The following ARHGEF12 variants were observed in gnomAD, a reference collection of about 807,000 sequenced individuals.
ARHGEF12 encodes KMT2A/ARHGEF12 fusion protein.
In ARHGEF12, 66 loss-of-function variants were observed where a neutral mutation model predicts 211.2. That is an observed-to-expected ratio of 0.31 (90% confidence interval 0.26 to 0.38). The LOEUF is 0.38. ARHGEF12 is among the 10% of genes least tolerant of loss of function. The pLI is 1.00. For synonymous variants in ARHGEF12, 592 were observed against 638.4 expected, an observed-to-expected ratio of 0.93 and a Z score of 1.09; for missense variants, 1,429 against 1,869.5, an observed-to-expected ratio of 0.76 and a Z score of 4.34.
intron 1 of ARHGEF12, among the ~76,000 whole-genome samples, chr11:120,358,766 TG>T (rs1370505788): frequency 3.9e-5 from 6 of 152,214 alleles, no homozygotes; most frequent in Non-Finnish European, 7.3e-5. Flanking sequence ...AAAGCTCTTT[TG>T]GACAGTGCTG....
intron 1 of ARHGEF12, among the ~76,000 whole-genome samples, chr11:120,387,231 T>G (rs1247469672): frequency 6.6e-6 from 1 of 151,784 alleles, no homozygotes; most frequent in Non-Finnish European, 1.5e-5. Flanking sequence ...CTGTACATGT[T>G]GGATTGTGTG....
intron 1 of ARHGEF12, among the ~76,000 whole-genome samples, chr11:120,404,202 A>G (rs1944624277): frequency 6.6e-6 from 1 of 152,126 alleles, no homozygotes; most frequent in African/African-American, 2.4e-5. Context: ...CTAGCTTTCT[A>G]TTTCCAGCTC....
rs997244654 is a variant in ARHGEF12, at chr11:120,485,213, G to A, written c.*136G>A. The A allele has an allele frequency of 1.6e-5, 17 of 1,082,342 alleles. No homozygotes were observed. The African/African-American group carries it at 2.2e-4, about 14-fold the overall frequency. The allele number at this position is 1,082,342 out of a possible 1,614,324, so 67.0% of individuals were successfully genotyped here. A position where few individuals can be genotyped will look rare whatever the true frequency, so the allele number is the denominator to read the frequency against. On this transcript the variant is annotated 3_prime_UTR_variant, in exon 41 of 41. Coordinates refer to ENST00000397843, the MANE Select transcript of ARHGEF12 (RefSeq NM_015313.3). The stretch of plus-strand genomic sequence containing the variant: ...CTGTGAACCACCTGGGATTAGTCAA[G>A]TCCCAAGGTGCCCAGAGTGGGACTA...
At chr11:120,388,299 G>A (rs560234080) in intron 1 of ARHGEF12, among the ~76,000 whole-genome samples, 38 of 152,276 alleles carry the variant, frequency 2.5e-4, no homozygotes, top group South Asian at 8.3e-4. Context: ...CTGTGTATCA[G>A]TAGTTCATTT....
At chr11:120,434,767 C>G (rs1271081735) in intron 11 of ARHGEF12, among the ~76,000 whole-genome samples, 1 of 152,174 alleles carries the variant, frequency 6.6e-6, no homozygotes, top group Admixed American at 6.5e-5. Flanking sequence ...TTCAGAGCAT[C>G]TATCATTTTG....
In ARHGEF12 at chr11:120,442,089, C is replaced by G. The variant is rs1360522395; in HGVS notation, c.1204-15C>G. ...GTTCCTCATTTTGTCTTTTTCATTC[C>G]TTTCTCCACTACAGCTCTGTTATCT... On this transcript the variant is annotated splice_polypyrimidine_tract_variant and intron_variant, in intron 14 of 40. Coordinates refer to ENST00000397843, the MANE Select transcript of ARHGEF12 (RefSeq NM_015313.3). 1 of 1,548,802 alleles carries G rather than the reference C, an allele frequency of 6.5e-7. No homozygotes were observed. The highest frequency in any genetic ancestry group is 8.8e-7 in the Non-Finnish European group (1 of 1,142,222).
At chr11:120,359,221 A>T (rs914370714) in intron 1 of ARHGEF12, among the ~76,000 whole-genome samples, 1 of 151,848 alleles carries the variant, frequency 6.6e-6, no homozygotes, top group Non-Finnish European at 1.5e-5. Flanking sequence ...CCAAGAGTCA[A>T]TGGGGCCCAT....
chr11:120,348,895 G>A (rs1207877807), intron 1 of ARHGEF12, among the ~76,000 whole-genome samples: 2 of 152,132 alleles, frequency 1.3e-5, no homozygotes, highest in African/African-American at 2.4e-5. Context: ...GAGTGTACGT[G>A]AAACATTAAT....
intron 19 of ARHGEF12, among the ~76,000 whole-genome samples, 161 bp downstream of exon 19, chr11:120,448,067 T>C (rs900955718): frequency 6.6e-6 from 1 of 152,228 alleles, no homozygotes; most frequent in Non-Finnish European, 1.5e-5. Flanking sequence ...TCTACTGTTG[T>C]CCTGAGTAGA....
chr11:120,338,007 T>C, intron 1 of ARHGEF12: 1 of 676,930 alleles, frequency 1.5e-6, no homozygotes, highest in Non-Finnish European at 1.8e-6. Flanking sequence ...CTGTCCTTTA[T>C]AGCACCTACC....
chr11:120,386,648 A>G (rs912649595), intron 1 of ARHGEF12, among the ~76,000 whole-genome samples: 2 of 152,102 alleles, frequency 1.3e-5, no homozygotes, highest in Admixed American at 6.5e-5. Flanking sequence ...ATGATGTACC[A>G]TTTTTGGTGC....
chr11:120,373,500 T>G (rs1329099454), intron 1 of ARHGEF12, among the ~76,000 whole-genome samples: 1 of 152,230 alleles, frequency 6.6e-6, no homozygotes, highest in Non-Finnish European at 1.5e-5. Flanking sequence ...GAACAGTGCC[T>G]GCACATAATA....
intron 1 of ARHGEF12, among the ~76,000 whole-genome samples, chr11:120,344,860 T>G (rs993727641): frequency 2.6e-5 from 4 of 152,240 alleles, no homozygotes; most frequent in Non-Finnish European, 5.9e-5. Context: ...TAAAACTTGT[T>G]CATGTAGTAA....
At chr11:120,344,287 A>C (rs1305892064) in intron 1 of ARHGEF12, among the ~76,000 whole-genome samples, 2 of 151,380 alleles carry the variant, frequency 1.3e-5, no homozygotes, top group Non-Finnish European at 3.0e-5. Context: ...AAAAAAAAAA[A>C]AAAAAAACTG....
chr11:120,458,435 A>C (rs1244729218), intron 25 of ARHGEF12: 2 of 544,714 alleles, frequency 3.7e-6, no homozygotes, highest in Non-Finnish European at 6.3e-6. Context: ...TTTAAAAGGA[A>C]AATGTGTTAA....
At chr11:120,389,433 A>G (rs1373797315) in intron 1 of ARHGEF12, among the ~76,000 whole-genome samples, 2 of 152,034 alleles carry the variant, frequency 1.3e-5, no homozygotes, top group African/African-American at 4.8e-5. Flanking sequence ...TTTTACTTTT[A>G]GGTCTGTGAT....
intron 4 of ARHGEF12, among the ~76,000 whole-genome samples, chr11:120,415,723 G>A (rs778731316): frequency 1.6e-4 from 24 of 152,146 alleles, no homozygotes; most frequent in Non-Finnish European, 2.6e-4. Flanking sequence ...GGATGGCTTC[G>A]TTTTCAGTTA....
chr11:120,447,901 T>A lies in ARHGEF12; in HGVS notation c.1617T>A (p.Asp539Glu). The change falls in exon 19 of 41, where the codon GAT becomes GAA. Residue 539 changes from aspartate (D) to glutamate (E), a missense_variant. Transcript: ENST00000397843. The stretch of plus-strand genomic sequence containing the variant: ...TGACTGCTCAGGCTGTAGAGGAAGA[T>A]AAGAGGTAACATAACTGTTTTTTTT... ...VLMTAQAVEEDKSSTMQYVIL... is the reference protein window; with the variant it reads ...VLMTAQAVEEEKSSTMQYVIL... 1.3e-6 allele frequency: 2 copies of A among 1,568,896 alleles called. No individual in the cohort carries two copies. Among genetic ancestry groups the A allele is most frequent in the South Asian group, 2.4e-5 (2 of 83,004 alleles).
chr11:120,370,152 A>G (rs768304481), intron 1 of ARHGEF12, among the ~76,000 whole-genome samples: 5 of 152,208 alleles, frequency 3.3e-5, no homozygotes, highest in Non-Finnish European at 7.3e-5. Flanking sequence ...AATAATGAAT[A>G]TTAATAAAAT....
Sources: gnomAD v4.1 joint callset for allele counts (sites outside exome capture counted in the v4.1 genomes callset) on GRCh38, gnomAD v4.1.1 for gene constraint, MANE v1.5 for transcripts, NCBI Gene and HGNC (gene_info 2026-07-23, HGNC 2026-07-21) for gene names.